CFAP43: variants seen among roughly 807,000 people sequenced by gnomAD.
CFAP43 encodes cilia- and flagella-associated protein 43.
Under a neutral mutation model 218.9 loss-of-function variants are expected in CFAP43, and 155 were observed. The ratio of observed to expected loss-of-function variants is 0.71; its 90% CI spans 0.62 to 0.81. CFAP43 has a LOEUF of 0.81. CFAP43 is among the 30% of genes least tolerant of loss of function. The pLI is 0.00. For missense variants in CFAP43, 1,778 were observed against 1,954.3 expected, an observed-to-expected ratio of 0.91 and a Z score of 1.70; for synonymous variants, 645 against 681.3, an observed-to-expected ratio of 0.95 and a Z score of 0.83.
At chr10:104,229,833 G>C (rs2091402607) in intron 2 of CFAP43, among the ~76,000 whole-genome samples, 1 of 152,086 alleles carries the variant, frequency 6.6e-6, no homozygotes, top group South Asian at 2.1e-4. Flanking sequence ...TTGAGGCTCA[G>C]AGACTTGACT....
chr10:104,232,143 G>T, intron 1 of CFAP43, 39 bp downstream of exon 1: 2 of 1,587,134 alleles, frequency 1.3e-6, no homozygotes, highest in South Asian at 1.1e-5. Context: ...AGGAGGTTCC[G>T]CGAGACCCAG....
At chr10:104,178,471 A>C (rs1443719135) in intron 19 of CFAP43, among the ~76,000 whole-genome samples, 1 of 152,228 alleles carries the variant, frequency 6.6e-6, no homozygotes, top group Non-Finnish European at 1.5e-5. Flanking sequence ...TAACTATCAT[A>C]GTGTGTATTC....
At position 104,192,231 on chromosome 10, in the gene CFAP43, G is replaced by A. The variant is rs1348135398; in HGVS notation, c.1514C>T (p.Ser505Phe). The change falls in exon 12 of 38, where the codon TCC becomes TTC. Residue 505 changes from serine (S) to phenylalanine (F), a missense_variant. By Grantham distance (155) the Ser-to-Phe change is radical. This residue lies in a region of CFAP43 where 1,553 missense variants were observed against 1,685.2 expected (regional missense o/e 0.92). Transcript: ENST00000357060. The stretch of plus-strand genomic sequence containing the variant: ...TCCAATAATCTGAAATGAGCTTGAG[G>A]AGTTGGCATTGATAATAAAGACTTT... ...EGKVFIINAN[S>F]SSSFQIIGFT... 6.2e-7 allele frequency: 1 copy of A among 1,612,750 alleles called. No homozygotes were observed. The highest frequency in any genetic ancestry group is 1.7e-5 in the Admixed American group (1 of 59,952).
At chr10:104,163,735 A>G (rs2089000446) in intron 24 of CFAP43, among the ~76,000 whole-genome samples, 1 of 152,238 alleles carries the variant, frequency 6.6e-6, no homozygotes. Flanking sequence ...AGAGATTCTA[A>G]TTCAGACCAG....
In CFAP43 at chr10:104,214,312, T is replaced by C. The variant is rs1343886675; in HGVS notation, c.531A>G (p.Thr177=). ...TTCTTTCAATGGTCCACACGCTCACTGTACTTGGACTTGATAAGCACAGCT... is the reference window on the plus strand; with the variant it reads ...TTCTTTCAATGGTCCACACGCTCACCGTACTTGGACTTGATAAGCACAGCT... ...WRQLCLSSPS[T]VSVWTIERSN... The change falls in exon 4 of 38, where the codon ACA becomes ACG. Residue 177 remains threonine (T), a synonymous_variant. Transcript: ENST00000357060. 1.2e-6 allele frequency: 2 copies of C among 1,609,026 alleles called. No homozygotes were observed. The highest frequency in any genetic ancestry group is 1.7e-6 in the Non-Finnish European group (2 of 1,177,304).
Position 104,197,782 on chromosome 10 carries a change from C to A in CFAP43, c.1212+140G>T, listed in dbSNP as rs2090419820. On this transcript the variant is annotated intron_variant, in intron 9 of 37. Coordinates refer to ENST00000357060, the MANE Select transcript of CFAP43 (RefSeq NM_025145.7). ...TGTCTGGCATCTCCACCACAGTCTT[C>A]AAGGACAGCCTCTGCCTCCTGTTCG... 4.5e-5 allele frequency: 26 copies of A among 583,666 alleles called. 1 individual carries two copies. Among genetic ancestry groups the A allele is most frequent in the South Asian group, 3.5e-4 (16 of 45,450 alleles). The allele number at this position is 583,666 out of a possible 1,614,324, so 36.2% of individuals were successfully genotyped here. A position where few individuals can be genotyped will look rare whatever the true frequency, so the allele number is the denominator to read the frequency against.
intron 28 of CFAP43, 46 bp from the exon 29 acceptor site, chr10:104,148,044 G>A (rs753727810): frequency 2.9e-5 from 37 of 1,262,610 alleles, no homozygotes; most frequent in South Asian, 1.6e-5. Context: ...ACTTCCACCT[G>A]AGACAATATT....
intron 8 of CFAP43, among the ~76,000 whole-genome samples, chr10:104,198,523 C>A (rs192284516): frequency 6.6e-6 from 1 of 152,116 alleles, no homozygotes; most frequent in African/African-American, 2.4e-5. Flanking sequence ...TCAGGTGATC[C>A]GCCCACCTCG....
intron 33 of CFAP43, among the ~76,000 whole-genome samples, chr10:104,141,495 C>T (rs1038975310): frequency 6.6e-6 from 1 of 151,990 alleles, no homozygotes; most frequent in Non-Finnish European, 1.5e-5. Flanking sequence ...ACCTGTAATC[C>T]CAGCTGCTTG....
intron 15 of CFAP43, 84 bp downstream of exon 15, chr10:104,185,890 C>A (rs1049731839): frequency 1.6e-5 from 20 of 1,287,834 alleles, no homozygotes; most frequent in Non-Finnish European, 2.1e-5. Flanking sequence ...CATATATAAG[C>A]AAATTTTTAT....
intron 2 of CFAP43, among the ~76,000 whole-genome samples, chr10:104,227,699 T>G (rs74474958): frequency 1.3e-5 from 2 of 152,244 alleles, no homozygotes; most frequent in South Asian, 2.1e-4. Context: ...CCCTTTTAAT[T>G]TTTCATGGTG....
chr10:104,178,338 G>C (rs2089704096), intron 19 of CFAP43, among the ~76,000 whole-genome samples: 1 of 152,174 alleles, frequency 6.6e-6, no homozygotes, highest in Admixed American at 6.5e-5. Context: ...TTTTGAGTTT[G>C]AATAGGTCAT....
Position 104,202,608 on chromosome 10 carries a change from C to T in CFAP43, c.1095+1064G>A, listed in dbSNP as rs566740852. On this transcript the variant is annotated intron_variant, in intron 8 of 37. Coordinates refer to ENST00000357060, the MANE Select transcript of CFAP43 (RefSeq NM_025145.7). The stretch of plus-strand genomic sequence containing the variant: ...AGTATCATTCTGAATAACTTCTGAT[C>T]TATCTTCGAATTCATTTATTCTCTC... 6.6e-5 allele frequency among the ~76,000 whole-genome samples: 10 copies of T among 152,238 alleles called. No individual in the cohort carries two copies. In the South Asian group the frequency reaches 1.9e-3, roughly 28 times the overall value.
Position 104,162,042 on chromosome 10 carries a change from C to G in CFAP43, c.3334-1G>C, listed in dbSNP as rs1284065524. The G allele has an allele frequency of 1.2e-6, 2 of 1,612,368 alleles. No homozygotes were observed. Among genetic ancestry groups the G allele is most frequent in the East Asian group, 4.5e-5 (2 of 44,880 alleles). On this transcript the variant is annotated splice_acceptor_variant, in intron 25 of 37. Coordinates refer to ENST00000357060, the MANE Select transcript of CFAP43 (RefSeq NM_025145.7). LOFTEE classifies it high-confidence loss of function. ...GAGCTCGGAGTCTTGTACTGGCATCCTGGGAAAGAGCCAGAATCAGAGAGG... is the reference window on the plus strand; with the variant it reads ...GAGCTCGGAGTCTTGTACTGGCATCGTGGGAAAGAGCCAGAATCAGAGAGG...
intron 4 of CFAP43, 91 bp downstream of exon 4, chr10:104,214,168 A>C: frequency 1.5e-6 from 2 of 1,324,258 alleles, no homozygotes; most frequent in Non-Finnish European, 2.0e-6. Flanking sequence ...TGTATGTATA[A>C]AGCCACTTAA....
At chr10:104,195,158 G>C (rs1159662951) in intron 10 of CFAP43, among the ~76,000 whole-genome samples, 1 of 152,202 alleles carries the variant, frequency 6.6e-6, no homozygotes, top group Non-Finnish European at 1.5e-5. Context: ...CTGCTGGACT[G>C]GGATCCCCCA....
At chr10:104,157,273 G>A (rs596229) in intron 27 of CFAP43, among the ~76,000 whole-genome samples, 39,381 of 152,114 alleles carry the variant, frequency 0.26, 6,892 homozygotes, top group African/African-American at 0.51. Flanking sequence ...CCTCTACAGA[G>A]AGGGCAATGT....
rs2087195363 is a variant in CFAP43 at position 104,131,554 on chromosome 10, T to C, written c.4678-70A>G. The C allele has an allele frequency of 3.4e-6, 5 of 1,464,908 alleles. No individual in the cohort carries two copies. In the South Asian group the frequency reaches 4.0e-5, roughly 12 times the overall value. The allele number at this position is 1,464,908 out of a possible 1,614,324, so 90.7% of individuals were successfully genotyped here. A position where few individuals can be genotyped will look rare whatever the true frequency, so the allele number is the denominator to read the frequency against. On this transcript the variant is annotated intron_variant, in intron 36 of 37. Transcript: ENST00000357060. Reference sequence around the variant, plus strand: ...AAATGTAATTTATCCTATAAAGACATTATTCTTATATTTTAAATACATTAT... The same window carrying C: ...AAATGTAATTTATCCTATAAAGACACTATTCTTATATTTTAAATACATTAT...
chr10:104,210,994 T>A (rs959230954), intron 5 of CFAP43, among the ~76,000 whole-genome samples: 1 of 151,936 alleles, frequency 6.6e-6, no homozygotes, highest in African/African-American at 2.4e-5. Flanking sequence ...GGTTTCACTG[T>A]GTTAACCAGG....
Sources: allele counts gnomAD v4.1 joint callset (sites outside exome capture counted in the v4.1 genomes callset), GRCh38; gene constraint gnomAD v4.1.1; regional missense constraint gnomAD v4.1.1; transcripts MANE v1.5; gene names NCBI Gene and HGNC (gene_info 2026-07-23, HGNC 2026-07-21).